Variants in CCNDBP1 observed in about 807,000 individuals in gnomAD.
The protein encoded by CCNDBP1 is cyclin D1 binding protein 1.
In CCNDBP1, 45 loss-of-function variants were observed where a neutral mutation model predicts 46.2. The observed-to-expected ratio is 0.97, with a 90% CI of 0.77 to 1.25. The LOEUF is 1.25. Among genes scored for constraint, CCNDBP1 ranks in the 50% most tolerant of loss-of-function variants. CCNDBP1 has a pLI of 0.00. For missense variants in CCNDBP1, 436 were observed against 442.1 expected (o/e 0.99, Z 0.12); for synonymous variants, 154 against 163.6 (o/e 0.94, Z 0.45).
intron 8 of CCNDBP1, among the ~76,000 whole-genome samples, chr15:43,192,146 T>G (rs1237491321): frequency 6.6e-6 from 1 of 152,246 alleles, no homozygotes; most frequent in Non-Finnish European, 1.5e-5. Context: ...CTCTTTAGTC[T>G]CTTGAAATCT....
chr15:43,186,556 C>T (rs1056789872), intron 3 of CCNDBP1, among the ~76,000 whole-genome samples: 1 of 152,132 alleles, frequency 6.6e-6, no homozygotes, highest in South Asian at 2.1e-4. Context: ...CAAGGAGGCT[C>T]AGAAGCTCAG....
intron 3 of CCNDBP1, among the ~76,000 whole-genome samples, chr15:43,186,615 A>C (rs2041846355): frequency 6.6e-6 from 1 of 152,212 alleles, no homozygotes; most frequent in African/African-American, 2.4e-5. Context: ...ATCAAGGTCT[A>C]TCTGATGTCT....
rs1184857466 is a variant in CCNDBP1, at chr15:43,195,747, A to G, written c.*906A>G. On this transcript the variant is annotated 3_prime_UTR_variant, in exon 11 of 11. Coordinates refer to ENST00000300213, the MANE Select transcript of CCNDBP1 (RefSeq NM_012142.5). Reference sequence around the variant, plus strand: ...GAATAGGGCATTATGCATGTCCTACAGGTCTCCGCCACCTCTCATGCCCAT... The same window carrying G: ...GAATAGGGCATTATGCATGTCCTACGGGTCTCCGCCACCTCTCATGCCCAT... 6.6e-6 allele frequency: 1 copy of G among 152,228 alleles called. No homozygotes were observed. Among genetic ancestry groups the G allele is most frequent in the Non-Finnish European group, 1.5e-5 (1 of 68,052 alleles). The allele number at this position is 152,228 out of a possible 1,614,324, so 9.4% of individuals were successfully genotyped here.
intron 9 of CCNDBP1, chr15:43,194,185 A>T: frequency 2.3e-6 from 1 of 435,064 alleles, no homozygotes; most frequent in Non-Finnish European, 4.0e-6. Flanking sequence ...AATATTTTAG[A>T]TCTAAAAAAT....
chr15:43,192,953 G>T, intron 9 of CCNDBP1, 150 bp downstream of exon 9: 1 of 686,280 alleles, frequency 1.5e-6, no homozygotes, highest in Non-Finnish European at 2.6e-6. Flanking sequence ...CATGCGTTTG[G>T]GGTTGATAAA....
In CCNDBP1 at chr15:43,191,487, G is replaced by T. The variant is rs1269097725; in HGVS notation, c.672G>T (p.Gly224=). Residue 224 remains glycine (G), a synonymous_variant, in exon 8 of 11, where the codon GGG becomes GGT. Coordinates refer to ENST00000300213, the MANE Select transcript of CCNDBP1 (RefSeq NM_012142.5). ...ACAATCATGAGGATGATGTGTTGGG[G>T]TTTCCCAGCAATCAGGACTTGTATT... ...DNHNHEDDVL[G]FPSNQDLYWS... is the part of the protein sequence containing the mutation. 5 of 1,613,814 alleles carry T rather than the reference G, an allele frequency of 3.1e-6. No individual in the cohort carries two copies. In the Admixed American group the frequency reaches 5.0e-5, roughly 16 times the overall value.
chr15:43,194,242 A>G, intron 9 of CCNDBP1, 173 bp from the exon 10 acceptor site: 3 of 521,776 alleles, frequency 5.7e-6, no homozygotes, highest in Non-Finnish European at 1.0e-5. Flanking sequence ...CTTGCTAAAT[A>G]GAAAAGAACC....
At chr15:43,188,512 G>A (rs1364902559) in intron 3 of CCNDBP1, 1 of 152,210 alleles carries the variant, frequency 6.6e-6, no homozygotes, top group African/African-American at 2.4e-5. Flanking sequence ...CAGTGAGTAT[G>A]GCTGTGTCCC....
In CCNDBP1 at chr15:43,195,959, A is replaced by C. The variant is rs1157318362; in HGVS notation, c.*1118A>C. ...TTTGTATTGTTAACAAGTGTCATGA[A>C]GGGAAGGAACTAAAATCAAACTGAC... On this transcript the variant is annotated 3_prime_UTR_variant, in exon 11 of 11. Transcript: ENST00000300213. 1.3e-5 allele frequency: 2 copies of C among 152,218 alleles called. No homozygotes were observed. The highest frequency in any genetic ancestry group is 4.8e-5 in the African/African-American group (2 of 41,460). 9.4% of individuals were successfully genotyped at this position (152,218 alleles called of 1,614,324 possible).
At position 43,191,686 on chromosome 15, in the gene CCNDBP1, T is replaced by C; in HGVS notation, c.860+11T>C. 6.3e-7 allele frequency: 1 copy of C among 1,597,112 alleles called. No homozygotes were observed. Among genetic ancestry groups the C allele is most frequent in the Non-Finnish European group, 8.5e-7 (1 of 1,177,056 alleles). ...TGAAATCAGCCCTAGGTAAGCGGGATCCCCACTTGAAACATCTGAGCAGCA... is the reference window on the plus strand; with the variant it reads ...TGAAATCAGCCCTAGGTAAGCGGGACCCCCACTTGAAACATCTGAGCAGCA... On this transcript the variant is annotated intron_variant, in intron 8 of 10. Transcript: ENST00000300213.
intron 3 of CCNDBP1, among the ~76,000 whole-genome samples, chr15:43,187,560 G>A (rs1307493231): frequency 3.3e-5 from 5 of 152,120 alleles, no homozygotes; most frequent in African/African-American, 1.2e-4. Context: ...GTGAGCCACC[G>A]TGCCTGGCCT....
At chr15:43,193,885 A>G (rs1022803966) in intron 9 of CCNDBP1, among the ~76,000 whole-genome samples, 2 of 152,156 alleles carry the variant, frequency 1.3e-5, no homozygotes, top group Non-Finnish European at 2.9e-5. Context: ...TTCCTAAGAA[A>G]TAAACATTTT....
chr15:43,188,633 G>A (rs1233643014), intron 3 of CCNDBP1: 1 of 152,240 alleles, frequency 6.6e-6, no homozygotes, highest in African/African-American at 2.4e-5. Flanking sequence ...CAGAGTATCA[G>A]GAATAAGTTT....
At chr15:43,194,235 G>C (rs992617551) in intron 9 of CCNDBP1, 180 bp from the exon 10 acceptor site, 1 of 512,060 alleles carries the variant, frequency 2.0e-6, no homozygotes. Flanking sequence ...ATAAGATCTT[G>C]CTAAATAGAA....
chr15:43,192,577 A>G (rs1000882624), intron 8 of CCNDBP1, among the ~76,000 whole-genome samples, 166 bp from the exon 9 acceptor site: 2 of 152,200 alleles, frequency 1.3e-5, no homozygotes, highest in African/African-American at 2.4e-5. Context: ...GGTTGTTTCA[A>G]TAAAGACTGG....
chr15:43,190,406 A>T lies in CCNDBP1; in HGVS notation c.502+8A>T. The T allele has an allele frequency of 6.2e-7, 1 of 1,613,680 alleles. No homozygotes were observed. The highest frequency in any genetic ancestry group is 8.5e-7 in the Non-Finnish European group (1 of 1,179,622). On this transcript the variant is annotated splice_region_variant and intron_variant, in intron 6 of 10. Transcript: ENST00000300213. Reference sequence around the variant, plus strand: ...TGCCTCAGATACCAAGAGGTGAGTGAAAGTGGGCAGTGGGCCATGTCTGCT... The same window carrying T: ...TGCCTCAGATACCAAGAGGTGAGTGTAAGTGGGCAGTGGGCCATGTCTGCT...
At position 43,185,897 on chromosome 15, in the gene CCNDBP1, C is replaced by T. The variant is rs369628939; in HGVS notation, c.169+18C>T. 40 of 1,606,414 alleles carry T rather than the reference C, an allele frequency of 2.5e-5. No homozygotes were observed. In the African/African-American group the frequency reaches 4.1e-4, roughly 17 times the overall value. ...AAGACTCAGTGAGTGCGCCTCCTTC[C>T]GGGCTCCCCTTGCCTCAGTTCCTCC... On this transcript the variant is annotated intron_variant, in intron 2 of 10. Transcript: ENST00000300213.
chr15:43,192,874 G>A lies in CCNDBP1; in HGVS notation c.921+71G>A, dbSNP rs377212230. ...ATTTCACTAATCACTAGTATTTCCTGTAAGCTATAGGGTACATATTTATTA... is the reference window on the plus strand; with the variant it reads ...ATTTCACTAATCACTAGTATTTCCTATAAGCTATAGGGTACATATTTATTA... On this transcript the variant is annotated intron_variant, in intron 9 of 10. Transcript: ENST00000300213. The A allele has an allele frequency of 4.8e-4, 632 of 1,323,174 alleles. 1 individual carries two copies. The highest frequency in any genetic ancestry group is 2.4e-3 in the South Asian group (206 of 85,258). The allele number at this position is 1,323,174 out of a possible 1,614,324, so 82.0% of individuals were successfully genotyped here. A position where few individuals can be genotyped will look rare whatever the true frequency, so the allele number is the denominator to read the frequency against.
intron 8 of CCNDBP1, among the ~76,000 whole-genome samples, chr15:43,192,534 T>C (rs1006562122): frequency 1.3e-5 from 2 of 152,168 alleles, no homozygotes; most frequent in African/African-American, 4.8e-5. Flanking sequence ...ACCAAGGGAA[T>C]TTCCCCCCCA....
Sources: allele counts gnomAD v4.1 joint callset (sites outside exome capture counted in the v4.1 genomes callset), GRCh38; gene constraint gnomAD v4.1.1; transcripts MANE v1.5; gene names NCBI Gene and HGNC (gene_info 2026-07-23, HGNC 2026-07-21).